Variants in CHRM2 observed in about 807,000 individuals in gnomAD.
CHRM2 encodes the protein muscarinic acetylcholine receptor M2.
In CHRM2, 8 loss-of-function variants were observed where a neutral mutation model predicts 25.0. The ratio of observed to expected loss-of-function variants is 0.32; its 90% CI spans 0.19 to 0.58. CHRM2 has a LOEUF of 0.58. CHRM2 is among the 20% of genes least tolerant of loss of function. The pLI is 0.88. For synonymous variants in CHRM2, 202 were observed against 205.7 expected, an observed-to-expected ratio of 0.98 and a Z score of 0.15; for missense variants, 440 against 567.1, an observed-to-expected ratio of 0.78 and a Z score of 2.28.
intron 3 of CHRM2, among the ~76,000 whole-genome samples, chr7:136,996,636 T>C (rs898328817): frequency 4.1e-4 from 62 of 152,302 alleles, no homozygotes; most frequent in African/African-American, 1.3e-3. Flanking sequence ...TACACTATTA[T>C]ATGCTAGAGT....
intron 2 of CHRM2, among the ~76,000 whole-genome samples, chr7:136,885,005 G>A (rs1796407941): frequency 6.6e-6 from 1 of 152,188 alleles, no homozygotes; most frequent in African/African-American, 2.4e-5. Context: ...GCTTACAGAT[G>A]AGCTGATGCT....
chr7:136,945,705 T>C (rs1800036238), intron 2 of CHRM2, among the ~76,000 whole-genome samples: 1 of 152,148 alleles, frequency 6.6e-6, no homozygotes, highest in Non-Finnish European at 1.5e-5. Flanking sequence ...CTATGCGGGC[T>C]CTTCTTTGGT....
intron 2 of CHRM2, among the ~76,000 whole-genome samples, chr7:136,873,428 T>C (rs530341036): frequency 1.3e-5 from 2 of 152,370 alleles, no homozygotes; most frequent in East Asian, 3.9e-4. Context: ...TGCTTTAGCC[T>C]CACTGCTTAA....
At chr7:136,939,233 G>T (rs189807537) in intron 2 of CHRM2, among the ~76,000 whole-genome samples, 115 of 152,260 alleles carry the variant, frequency 7.6e-4, no homozygotes, top group African/African-American at 2.5e-3. Context: ...GTTTTGTTTT[G>T]ATTTGGAAAT....
At chr7:136,991,801 C>T (rs1273860558) in intron 2 of CHRM2, among the ~76,000 whole-genome samples, 2 of 152,104 alleles carry the variant, frequency 1.3e-5, no homozygotes, top group Non-Finnish European at 2.9e-5. Context: ...CAAATATACT[C>T]TTTGTCATGG....
At chr7:136,873,621 C>T (rs1795929381) in intron 2 of CHRM2, among the ~76,000 whole-genome samples, 1 of 152,162 alleles carries the variant, frequency 6.6e-6, no homozygotes, top group East Asian at 1.9e-4. Flanking sequence ...TAAGTTGCAG[C>T]CCCTGGATTC....
At chr7:137,011,286 A>G (rs1339305270) in intron 3 of CHRM2, among the ~76,000 whole-genome samples, 1 of 150,642 alleles carries the variant, frequency 6.6e-6, no homozygotes, top group Non-Finnish European at 1.5e-5. Flanking sequence ...GTGGCTGAGA[A>G]GTCCCATCTG....
chr7:136,997,962 C>G (rs1406948759), intron 3 of CHRM2, among the ~76,000 whole-genome samples: 2 of 152,210 alleles, frequency 1.3e-5, no homozygotes, highest in Non-Finnish European at 2.9e-5. Context: ...AGGAATCAGA[C>G]AGCTGGAGAG....
intron 2 of CHRM2, among the ~76,000 whole-genome samples, chr7:136,944,474 TG>T (rs1799952119): frequency 2.7e-4 from 5 of 18,466 alleles, no homozygotes; most frequent in African/African-American, 2.5e-3. Context: ...TATGTATGTA[TG>T]TGTGTGTGTG....
chr7:136,876,388 T>C (rs1796054281), intron 2 of CHRM2, among the ~76,000 whole-genome samples: 2 of 152,184 alleles, frequency 1.3e-5, no homozygotes, highest in South Asian at 4.1e-4. Flanking sequence ...CTTACATTTG[T>C]ATTTCTGTCT....
intron 2 of CHRM2, among the ~76,000 whole-genome samples, chr7:136,948,284 G>T (rs923855460): frequency 6.6e-6 from 1 of 152,036 alleles, no homozygotes; most frequent in Non-Finnish European, 1.5e-5. Context: ...GTCTTTCTAC[G>T]GTGGTTGAGA....
At chr7:136,920,898 C>T (rs1051279948) in intron 2 of CHRM2, among the ~76,000 whole-genome samples, 1 of 152,028 alleles carries the variant, frequency 6.6e-6, no homozygotes, top group Admixed American at 6.6e-5. Flanking sequence ...CCCAAGGAGA[C>T]GTGTGAGAGG....
chr7:136,979,750 G>T (rs934442075), intron 2 of CHRM2, among the ~76,000 whole-genome samples: 1 of 152,044 alleles, frequency 6.6e-6, no homozygotes, highest in Non-Finnish European at 1.5e-5. Flanking sequence ...AAGATCAGAC[G>T]ACTGCAGATG....
At chr7:136,926,254 A>C (rs1468569483) in intron 2 of CHRM2, among the ~76,000 whole-genome samples, 3 of 152,102 alleles carry the variant, frequency 2.0e-5, no homozygotes, top group African/African-American at 7.2e-5. Flanking sequence ...TAAATAGATA[A>C]AAATTAAAAA....
At chr7:136,926,640 A>G (rs1267572880) in intron 2 of CHRM2, among the ~76,000 whole-genome samples, 1 of 152,210 alleles carries the variant, frequency 6.6e-6, no homozygotes, top group African/African-American at 2.4e-5. Flanking sequence ...AGCATGAAAC[A>G]TTGCAAAGGA....
At chr7:136,941,874 G>A (rs180768076) in intron 2 of CHRM2, among the ~76,000 whole-genome samples, 361 of 152,312 alleles carry the variant, frequency 2.4e-3, no homozygotes, top group Middle Eastern at 6.8e-3. Context: ...AGGGTCTGGA[G>A]TTAGACAGTT....
intron 2 of CHRM2, among the ~76,000 whole-genome samples, chr7:136,907,277 C>A (rs1042330549): frequency 2.0e-5 from 3 of 152,014 alleles, no homozygotes; most frequent in South Asian, 4.1e-4. Flanking sequence ...CTACAAAAAT[C>A]TTGAATTCAA....
At chr7:136,931,988 G>A (rs1799132789) in intron 2 of CHRM2, among the ~76,000 whole-genome samples, 1 of 152,152 alleles carries the variant, frequency 6.6e-6, no homozygotes, top group South Asian at 2.1e-4. Flanking sequence ...CCAGCACAAA[G>A]GACAAGGGGG....
intron 2 of CHRM2, among the ~76,000 whole-genome samples, chr7:136,888,647 A>T (rs2130546974): frequency 6.6e-6 from 1 of 152,230 alleles, no homozygotes; most frequent in East Asian, 1.9e-4. Context: ...CCTTAATTTA[A>T]CATGGAGGAT....
Sources: gnomAD v4.1 joint callset for allele counts (sites outside exome capture counted in the v4.1 genomes callset) on GRCh38, gnomAD v4.1.1 for gene constraint, MANE v1.5 for transcripts, NCBI Gene and HGNC (gene_info 2026-07-23, HGNC 2026-07-21) for gene names.